MS4A4A: variants seen among roughly 807,000 people sequenced by gnomAD.
The protein encoded by MS4A4A is membrane spanning 4-domains A4A, also known as membrane-spanning 4-domains subfamily A member 4A.
MS4A4A carries 26 observed loss-of-function variants against 28.0 expected under a neutral mutation model. The observed-to-expected ratio is 0.93, with a 90% confidence interval of 0.68 to 1.29. The LOEUF (loss-of-function observed/expected upper bound fraction) is 1.29, where lower values mean the gene tolerates loss of function less well. MS4A4A is among the 50% of genes most tolerant of loss of function. The pLI is 0.00. For synonymous variants in MS4A4A, 86 were observed against 100.8 expected, an observed-to-expected ratio of 0.85 and a Z score of 0.88; for missense variants, 290 against 293.1, an observed-to-expected ratio of 0.99 and a Z score of 0.08.
intron 1 of MS4A4A, among the ~76,000 whole-genome samples, chr11:60,287,406 C>G (rs566257208): frequency 6.6e-6 from 1 of 152,164 alleles, no homozygotes; most frequent in Non-Finnish European, 1.5e-5. Flanking sequence ...GATAACTAAC[C>G]TTCTCCAAGG....
At chr11:60,292,123 A>C in intron 1 of MS4A4A, 102 bp from the exon 2 acceptor site, 5 of 1,358,916 alleles carry the variant, frequency 3.7e-6, no homozygotes, top group Non-Finnish European at 3.9e-6. Flanking sequence ...TGGGAAGAGA[A>C]TGTAGACCAG....
In MS4A4A at chr11:60,299,970, A is replaced by G. The variant is rs2084937822; in HGVS notation, c.331-1031A>G. On this transcript the variant is annotated intron_variant, in intron 3 of 6. Coordinates refer to ENST00000337908, the MANE Select transcript of MS4A4A (RefSeq NM_148975.3). Reference sequence around the variant, plus strand: ...ATCCCAAATGTTCATGATGTATTTTATATCATATGATGGGTGATTCCCTCT... The same window carrying G: ...ATCCCAAATGTTCATGATGTATTTTGTATCATATGATGGGTGATTCCCTCT... Among the ~76,000 whole-genome samples the G allele has an allele frequency of 2.6e-5, 4 of 152,320 alleles. No individual in the cohort carries two copies. In the South Asian group the frequency reaches 6.2e-4, roughly 24 times the overall value.
intron 1 of MS4A4A, among the ~76,000 whole-genome samples, chr11:60,291,796 C>CAAAAAA (rs60913455): frequency 1.5e-5 from 2 of 133,974 alleles, no homozygotes; most frequent in Non-Finnish European, 1.6e-5. Context: ...GACTCCATCT[C>CAAAAAA]AAAAAAAAAA....
chr11:60,297,859 G>T (rs2084919921), intron 3 of MS4A4A, among the ~76,000 whole-genome samples: 1 of 152,144 alleles, frequency 6.6e-6, no homozygotes, highest in Non-Finnish European at 1.5e-5. Flanking sequence ...TAGCTCATGA[G>T]AAACTGAACA....
chr11:60,301,054 C>G lies in MS4A4A; in HGVS notation c.384C>G (p.Gly128=), dbSNP rs147625120. 2.5e-6 allele frequency: 4 copies of G among 1,590,346 alleles called. No individual in the cohort carries two copies. The South Asian group carries it at 3.5e-5, about 14-fold the overall frequency. The change falls in exon 4 of 7, where the codon GGC becomes GGG. Residue 128 remains glycine (G), a synonymous_variant. Coordinates refer to ENST00000337908, the MANE Select transcript of MS4A4A (RefSeq NM_148975.3). ...CAGCAGGAATTAGAACTACAAAAGG[C>G]CTGGTGAGTAATATTTTCTTTTTTT... ...SIAAGIRTTK[G]LVRGSLGMNI... is the part of the protein sequence containing the mutation.
rs528046085 is a variant in MS4A4A, at chr11:60,290,165, C to T, written c.42-2060C>T. ...GTGATTTCTCCTTTACTACTGACTT[C>T]GATGATTCTCAGAACTATACTTTTC... On this transcript the variant is annotated intron_variant, in intron 1 of 6. Transcript: ENST00000337908. 289 of 404,340 alleles carry T rather than the reference C, an allele frequency of 7.1e-4. 1 individual carries two copies. The highest frequency in any genetic ancestry group is 1.1e-3 in the Non-Finnish European group (221 of 195,464). The allele number at this position is 404,340 out of a possible 1,614,324, so 25.0% of individuals were successfully genotyped here. A position where few individuals can be genotyped will look rare whatever the true frequency, so the allele number is the denominator to read the frequency against.
At chr11:60,283,334 T>A (rs914483548) in intron 1 of MS4A4A, among the ~76,000 whole-genome samples, 1 of 152,244 alleles carries the variant, frequency 6.6e-6, no homozygotes, top group Non-Finnish European at 1.5e-5. Flanking sequence ...CCTATACTGC[T>A]GGGATTACAG....
intron 1 of MS4A4A, among the ~76,000 whole-genome samples, chr11:60,289,199 A>G (rs138391797): frequency 1.2e-3 from 181 of 152,306 alleles, no homozygotes; most frequent in African/African-American, 3.9e-3. Flanking sequence ...CAGGCCATGG[A>G]GGCCAGGGCA....
intron 2 of MS4A4A, 94 bp from the exon 3 acceptor site, chr11:60,297,103 G>A (rs918908516): frequency 9.7e-6 from 14 of 1,447,428 alleles, no homozygotes; most frequent in African/African-American, 5.7e-5. Context: ...ATCAAATGAA[G>A]GAGAATAAGG....
chr11:60,300,603 G>A (rs7127750), intron 3 of MS4A4A, among the ~76,000 whole-genome samples: 18 of 136,316 alleles, frequency 1.3e-4, no homozygotes, highest in African/African-American at 4.9e-4. Flanking sequence ...GCGACAGAGC[G>A]AGACTCCGTC....
Position 60,292,384 on chromosome 11 carries a change from G to A in MS4A4A, c.201G>A (p.Gly67=), listed in dbSNP as rs774032273. 6.3e-7 allele frequency: 1 copy of A among 1,587,522 alleles called. No homozygotes were observed. Among genetic ancestry groups the A allele is most frequent in the Non-Finnish European group, 8.6e-7 (1 of 1,169,384 alleles). The part of the protein sequence containing the change: ...KFLKGEPKVL[G]VVQILTALMS... ...TGAAGGGAGAACCCAAAGTCCTTGGGGTAAGTTGCAAATCTAGGGGAAGAC... is the reference window on the plus strand; with the variant it reads ...TGAAGGGAGAACCCAAAGTCCTTGGAGTAAGTTGCAAATCTAGGGGAAGAC... The change falls in exon 2 of 7, where the codon GGG becomes GGA. Residue 67 remains glycine, a splice_region_variant and synonymous_variant. Coordinates refer to ENST00000337908, the MANE Select transcript of MS4A4A (RefSeq NM_148975.3).
rs187852876 is a variant in MS4A4A, at chr11:60,283,669, G to C, written c.41+2953G>C. Among the ~76,000 whole-genome samples, 1,140 of 152,264 alleles carry C rather than the reference G, an allele frequency of 7.5e-3. 45 individuals are homozygous for C. Among genetic ancestry groups the C allele is most frequent in the Admixed American group, 0.068 (1,041 of 15,284 alleles). On this transcript the variant is annotated intron_variant, in intron 1 of 6. Transcript: ENST00000337908. Reference sequence around the variant, plus strand: ...ACAAGTAGGTAAATTGTCAATTTATGGGCTTTATTAGAATGACTTTAAATT... The same window carrying C: ...ACAAGTAGGTAAATTGTCAATTTATCGGCTTTATTAGAATGACTTTAAATT...
chr11:60,294,117 A>G (rs2084881313), intron 2 of MS4A4A, among the ~76,000 whole-genome samples: 1 of 152,244 alleles, frequency 6.6e-6, no homozygotes, highest in South Asian at 2.1e-4. Context: ...ATCTCCAGCA[A>G]TTGGTAGTGC....
intron 5 of MS4A4A, 156 bp from the exon 6 acceptor site, chr11:60,305,944 C>G: frequency 1.7e-6 from 1 of 596,008 alleles, no homozygotes; most frequent in East Asian, 2.8e-5. Flanking sequence ...GCTACTTCAG[C>G]AGATCAAGAA....
chr11:60,300,971 T>G (rs1240353332), intron 3 of MS4A4A, 30 bp from the exon 4 acceptor site: 3 of 1,553,380 alleles, frequency 1.9e-6, no homozygotes, highest in Admixed American at 3.6e-5. Context: ...GCTTAAAGTT[T>G]TTTACCTTCA....
intron 1 of MS4A4A, among the ~76,000 whole-genome samples, chr11:60,287,080 G>A (rs1038276269): frequency 1.2e-4 from 19 of 152,100 alleles, no homozygotes; most frequent in Admixed American, 3.9e-4. Flanking sequence ...ATAAAACCAC[G>A]TAGTTTTATA....
chr11:60,307,146 G>A (rs2085010087), intron 6 of MS4A4A, among the ~76,000 whole-genome samples: 1 of 152,206 alleles, frequency 6.6e-6, no homozygotes. Flanking sequence ...AGGCCCACAG[G>A]CAGACAAAAC....
At chr11:60,280,757 G>A in intron 1 of MS4A4A, 41 bp downstream of exon 1, 1 of 1,610,586 alleles carries the variant, frequency 6.2e-7, no homozygotes, top group Non-Finnish European at 8.5e-7. Context: ...TCGGGCTGAT[G>A]GCTTGTTTCA....
intron 1 of MS4A4A, among the ~76,000 whole-genome samples, chr11:60,283,742 G>A (rs2084777286): frequency 6.6e-6 from 1 of 152,170 alleles, no homozygotes; most frequent in Non-Finnish European, 1.5e-5. Context: ...ATTTGAGGAT[G>A]TGGATTAAAT....
Sources: gnomAD v4.1 joint callset for allele counts (sites outside exome capture counted in the v4.1 genomes callset) on GRCh38, gnomAD v4.1.1 for gene constraint, MANE v1.5 for transcripts, NCBI Gene and HGNC (gene_info 2026-07-23, HGNC 2026-07-21) for gene names.